The following RHOBTB2 variants were observed in gnomAD, a reference collection of about 807,000 sequenced individuals.
The protein encoded by RHOBTB2 is rho-related BTB domain-containing protein 2.
Under a neutral mutation model 66.5 loss-of-function variants are expected in RHOBTB2, and 39 were observed. That is an observed-to-expected ratio of 0.59 (90% CI 0.45 to 0.77). The LOEUF (loss-of-function observed/expected upper bound fraction) is 0.77, where lower values mean the gene tolerates loss of function less well. Ranked by LOEUF, RHOBTB2 falls within the 30% of genes least tolerant of loss-of-function variation. The pLI is 0.00. For synonymous variants in RHOBTB2, 390 were observed against 395.0 expected (o/e 0.99, Z 0.15); for missense variants, 755 against 999.1 (o/e 0.76, Z 3.29).
At chr8:22,958,802 G>GAAAAAAA in the RHOBTB2 span, among the ~76,000 whole-genome samples, 4 of 52,176 alleles carry the variant, frequency 7.7e-5, no homozygotes, top group African/African-American at 1.5e-4. Context: ...GCCCCTCTCT[G>GAAAAAAA]AAAAAAAAAA....
At chr8:22,973,346 G>A in the RHOBTB2 span, among the ~76,000 whole-genome samples, 3 of 151,826 alleles carry the variant, frequency 2.0e-5, no homozygotes, top group Admixed American at 6.6e-5. Context: ...CTCCCCTCTC[G>A]GCCTCCCAAG....
upstream of RHOBTB2, among the ~76,000 whole-genome samples, chr8:22,986,840 T>C (rs1247845911): frequency 6.6e-6 from 1 of 152,232 alleles, no homozygotes; most frequent in African/African-American, 2.4e-5. Flanking sequence ...CTGCTTCACA[T>C]GTCTCCCGGC....
At position 23,019,076 on chromosome 8, in the gene RHOBTB2, C is replaced by T; in HGVS notation, c.*1607C>T. Reference sequence around the variant, plus strand: ...AAGATGGAGTCCCACGGAGGAGGGGCAGAGCCAGGAGGCAGTGGGGCTGTG... The same window carrying T: ...AAGATGGAGTCCCACGGAGGAGGGGTAGAGCCAGGAGGCAGTGGGGCTGTG... On this transcript the variant is annotated 3_prime_UTR_variant, in exon 10 of 10. Transcript: ENST00000251822. 6.6e-6 allele frequency: 1 copy of T among 152,468 alleles called. No homozygotes were observed. The highest frequency in any genetic ancestry group is 1.5e-5 in the Non-Finnish European group (1 of 68,132). The allele number at this position is 152,468 out of a possible 1,614,324, so 9.4% of individuals were successfully genotyped here.
intron 1 of RHOBTB2, among the ~76,000 whole-genome samples, chr8:22,990,484 C>T (rs1056645411): frequency 1.3e-5 from 2 of 152,176 alleles, no homozygotes; most frequent in Non-Finnish European, 2.9e-5. Flanking sequence ...TGTGAAGGGG[C>T]GGCCGCTGTG....
At chr8:22,977,234 C>G in the RHOBTB2 span, among the ~76,000 whole-genome samples, 1 of 152,192 alleles carries the variant, frequency 6.6e-6, no homozygotes, top group African/African-American at 2.4e-5. Context: ...GACTTTCACC[C>G]TACACTTCTC....
intron 6 of RHOBTB2, among the ~76,000 whole-genome samples, chr8:23,008,898 C>T (rs1007456902): frequency 6.6e-6 from 1 of 151,994 alleles, no homozygotes; most frequent in Admixed American, 6.6e-5. Context: ...GGGCTGTGGG[C>T]TCTGGATTGG....
the RHOBTB2 span, among the ~76,000 whole-genome samples, chr8:22,968,395 T>C: frequency 6.6e-6 from 1 of 152,138 alleles, no homozygotes; most frequent in African/African-American, 2.4e-5. Context: ...TAAATGGAGA[T>C]ACATATCTAG....
chr8:22,969,143 T>C, the RHOBTB2 span, among the ~76,000 whole-genome samples: 1 of 152,206 alleles, frequency 6.6e-6, no homozygotes, highest in Non-Finnish European at 1.5e-5. Context: ...ACATCTTAAA[T>C]GGCAGCAGGC....
At chr8:23,008,795 G>A (rs1378243647) in intron 6 of RHOBTB2, among the ~76,000 whole-genome samples, 1 of 152,118 alleles carries the variant, frequency 6.6e-6, no homozygotes, top group Non-Finnish European at 1.5e-5. Context: ...TCTGGGGCCT[G>A]GATGCTGTCT....
At chr8:22,984,047 C>T (rs149002661), upstream of RHOBTB2, among the ~76,000 whole-genome samples, 1 of 152,244 alleles carries the variant, frequency 6.6e-6, no homozygotes, top group Non-Finnish European at 1.5e-5. Context: ...GCCACAGAAT[C>T]TTACACTGCA....
the RHOBTB2 span, among the ~76,000 whole-genome samples, chr8:22,957,526 G>T: frequency 1.3e-5 from 2 of 152,142 alleles, no homozygotes; most frequent in Admixed American, 1.3e-4. Context: ...CAGGCACAAA[G>T]AAGCCACGCT....
the RHOBTB2 span, among the ~76,000 whole-genome samples, chr8:22,981,732 A>G: frequency 6.6e-6 from 1 of 152,072 alleles, no homozygotes. Context: ...GAAGCAACTC[A>G]GTGTGTTTTC....
the RHOBTB2 span, among the ~76,000 whole-genome samples, chr8:22,970,746 T>C: frequency 6.6e-6 from 1 of 152,076 alleles, no homozygotes; most frequent in South Asian, 2.1e-4. Flanking sequence ...CATGAGCCAC[T>C]ATGCCCGACC....
At chr8:22,957,400 G>A in the RHOBTB2 span, among the ~76,000 whole-genome samples, 2 of 152,206 alleles carry the variant, frequency 1.3e-5, no homozygotes, top group East Asian at 3.8e-4. Flanking sequence ...GCTTTGGGCT[G>A]TTTTTCAAAC....
the RHOBTB2 span, among the ~76,000 whole-genome samples, chr8:22,956,479 C>T: frequency 2.1e-4 from 32 of 152,090 alleles, no homozygotes; most frequent in Non-Finnish European, 3.1e-4. Context: ...CCTCCTCCTC[C>T]TGGTCCAGCC....
At chr8:22,969,124 G>A in the RHOBTB2 span, among the ~76,000 whole-genome samples, 2 of 152,192 alleles carry the variant, frequency 1.3e-5, no homozygotes, top group Non-Finnish European at 2.9e-5. Flanking sequence ...ATGGCGGAAG[G>A]TGAAAGGCAC....
chr8:23,004,820 T>G lies in RHOBTB2; in HGVS notation c.192+194T>G. The G allele has an allele frequency of 4.9e-6, 3 of 609,200 alleles. No individual in the cohort carries two copies. Among genetic ancestry groups the G allele is most frequent in the Non-Finnish European group, 8.7e-6 (3 of 345,704 alleles). The allele number at this position is 609,200 out of a possible 1,614,324, so 37.7% of individuals were successfully genotyped here. A position where few individuals can be genotyped will look rare whatever the true frequency, so the allele number is the denominator to read the frequency against. On this transcript the variant is annotated intron_variant, in intron 2 of 9. Transcript: ENST00000251822. The surrounding 1 kb of genome is among the most constrained non-coding windows in gnomAD (Gnocchi z 6.4). ...CAAGTCTGCCCCAGGGAAGTGTCTC[T>G]GGCTGGTTGTGTTTTCAGGGACTGA...
chr8:23,003,483 G>A (rs975894745), intron 1 of RHOBTB2, among the ~76,000 whole-genome samples: 1 of 152,238 alleles, frequency 6.6e-6, no homozygotes, highest in Non-Finnish European at 1.5e-5. Context: ...TCACCTAGGA[G>A]TGCCAGCTGC....
At chr8:22,960,019 A>AG in the RHOBTB2 span, among the ~76,000 whole-genome samples, 1 of 149,936 alleles carries the variant, frequency 6.7e-6, no homozygotes, top group Middle Eastern at 3.4e-3. Context: ...AAAAAAAAAA[A>AG]AATACAAAAA....
Sources: gnomAD v4.1 joint callset for allele counts (sites outside exome capture counted in the v4.1 genomes callset) on GRCh38, gnomAD v4.1.1 for gene constraint, Gnocchi (gnomAD v3.1) non-coding constraint, MANE v1.5 for transcripts, NCBI Gene and HGNC (gene_info 2026-07-23, HGNC 2026-07-21) for gene names.